ABTB2: variants seen among roughly 807,000 people sequenced by gnomAD.
ABTB2 encodes the protein ankyrin repeat and BTB domain containing 2.
A neutral mutation model predicts 104.1 loss-of-function variants in ABTB2; 56 were observed. That is an observed-to-expected ratio of 0.54 (90% CI 0.43 to 0.67). The LOEUF (loss-of-function observed/expected upper bound fraction) is 0.67, where lower values mean the gene tolerates loss of function less well. Ranked by LOEUF, ABTB2 falls within the 30% of genes least tolerant of loss-of-function variation. The pLI is 0.00. For synonymous variants in ABTB2, 606 were observed against 608.2 expected, an observed-to-expected ratio of 1.00 and a Z score of 0.05; for missense variants, 1,279 against 1,407.7, an observed-to-expected ratio of 0.91 and a Z score of 1.46.
At chr11:34,230,982 G>T (rs1161374663) in intron 1 of ABTB2, among the ~76,000 whole-genome samples, 1 of 152,026 alleles carries the variant, frequency 6.6e-6, no homozygotes, top group Non-Finnish European at 1.5e-5. Context: ...AAGTGCTGGG[G>T]TTACAGGCAT....
Position 34,285,286 on chromosome 11 carries a change from T to C in ABTB2, c.883+71415A>G, listed in dbSNP as rs558716511. Among the ~76,000 whole-genome samples the C allele has an allele frequency of 1.4e-4, 21 of 152,272 alleles. 1 individual carries two copies. The South Asian group carries it at 4.4e-3, about 32-fold the overall frequency. The stretch of plus-strand genomic sequence containing the variant: ...GACTCTGGCAGGGCTACGCAGCTCA[T>C]TATGCAAGCCCCAGAGTTAGGCGGG... On this transcript the variant is annotated intron_variant, in intron 1 of 16. Coordinates refer to ENST00000435224, the MANE Select transcript of ABTB2 (RefSeq NM_145804.3).
At chr11:34,300,874 G>A (rs1034019743) in intron 1 of ABTB2, among the ~76,000 whole-genome samples, 3 of 152,278 alleles carry the variant, frequency 2.0e-5, no homozygotes, top group African/African-American at 7.2e-5. Flanking sequence ...AAATGAAAGT[G>A]AATCATAAAC....
At chr11:34,157,046 C>CA (rs1852638457) in intron 14 of ABTB2, among the ~76,000 whole-genome samples, 1 of 152,164 alleles carries the variant, frequency 6.6e-6, no homozygotes, top group African/African-American at 2.4e-5. Context: ...CACACACCCC[C>CA]ACCCCACCCC....
At chr11:34,340,678 T>A (rs1855252495) in intron 1 of ABTB2, among the ~76,000 whole-genome samples, 1 of 152,208 alleles carries the variant, frequency 6.6e-6, no homozygotes. Context: ...CCACAGGTCA[T>A]GTGAAGCACT....
chr11:34,167,871 G>A (rs190965884), intron 6 of ABTB2, 32 bp downstream of exon 6: 1 of 1,610,042 alleles, frequency 6.2e-7, no homozygotes, highest in Admixed American at 1.7e-5. Flanking sequence ...GCTGGCCTAG[G>A]GCCTGGGTGC....
rs549468644 is a variant in ABTB2, at chr11:34,200,172, A to T, written c.1031-2634T>A. On this transcript the variant is annotated intron_variant, in intron 2 of 16. Transcript: ENST00000435224. Reference sequence around the variant, plus strand: ...ATGTCATAACTTTTGGCAGAACCACAGGACCACAAGGAGGAGAAATCAAAG... The same window carrying T: ...ATGTCATAACTTTTGGCAGAACCACTGGACCACAAGGAGGAGAAATCAAAG... Among the ~76,000 whole-genome samples, 7 of 152,366 alleles carry T rather than the reference A, an allele frequency of 4.6e-5. No homozygotes were observed. In the South Asian group the frequency reaches 6.2e-4, roughly 14 times the overall value.
intron 1 of ABTB2, among the ~76,000 whole-genome samples, chr11:34,221,958 T>C (rs1356679555): frequency 1.3e-5 from 2 of 152,254 alleles, no homozygotes; most frequent in Middle Eastern, 3.4e-3. Flanking sequence ...GGCAGGAGAA[T>C]AGCTTGAACC....
rs375193668 is a variant in ABTB2, at chr11:34,355,886, G to A, written c.883+815C>T. Among the ~76,000 whole-genome samples, 31 of 152,226 alleles carry A rather than the reference G, an allele frequency of 2.0e-4. No homozygotes were observed. The South Asian group carries it at 6.4e-3, about 32-fold the overall frequency. ...TTCAGGGAAGTGCAACCACCCAATG[G>A]TTCCTTTCCCAGACTTGACCCCATG... On this transcript the variant is annotated intron_variant, in intron 1 of 16. Transcript: ENST00000435224.
At position 34,332,932 on chromosome 11, in the gene ABTB2, C is replaced by A. The variant is rs879769737; in HGVS notation, c.883+23769G>T. The stretch of plus-strand genomic sequence containing the variant: ...ACAGGAACATGAATTATGGTGAGCA[C>A]TGGGGAAATGCCTGCTTCGTCTGGG... On this transcript the variant is annotated intron_variant, in intron 1 of 16. Coordinates refer to ENST00000435224, the MANE Select transcript of ABTB2 (RefSeq NM_145804.3). 3.9e-5 allele frequency among the ~76,000 whole-genome samples: 6 copies of A among 152,054 alleles called. 1 individual carries two copies. In the South Asian group the frequency reaches 6.2e-4, roughly 16 times the overall value.
chr11:34,270,204 C>G (rs1377972232), intron 1 of ABTB2, among the ~76,000 whole-genome samples: 1 of 152,200 alleles, frequency 6.6e-6, no homozygotes, highest in Non-Finnish European at 1.5e-5. Flanking sequence ...AGAATCCTAG[C>G]TCCCCGACCA....
chr11:34,301,620 G>C (rs1854707332), intron 1 of ABTB2, among the ~76,000 whole-genome samples: 1 of 152,174 alleles, frequency 6.6e-6, no homozygotes. Flanking sequence ...ACCCAGAGAT[G>C]GATCCACCTT....
intron 1 of ABTB2, among the ~76,000 whole-genome samples, chr11:34,352,579 G>T (rs1855411663): frequency 6.6e-6 from 1 of 152,178 alleles, no homozygotes; most frequent in South Asian, 2.1e-4. Flanking sequence ...CTCAATAATT[G>T]TTGAATGAAT....
At chr11:34,317,737 A>G (rs187172220) in intron 1 of ABTB2, among the ~76,000 whole-genome samples, 2 of 148,048 alleles carry the variant, frequency 1.4e-5, no homozygotes, top group East Asian at 4.0e-4. Context: ...ATTCCAGCCC[A>G]GGCAACAGAG....
intron 1 of ABTB2, among the ~76,000 whole-genome samples, chr11:34,255,524 G>A (rs11032582): frequency 2.0e-5 from 3 of 151,018 alleles, no homozygotes; most frequent in Admixed American, 6.6e-5. Context: ...ACACAGTCTC[G>A]CTCTGTTGCG....
chr11:34,205,218 C>T (rs545206233), intron 1 of ABTB2, among the ~76,000 whole-genome samples: 12 of 152,298 alleles, frequency 7.9e-5, no homozygotes, highest in African/African-American at 1.2e-4. Flanking sequence ...AGGGCAGTGC[C>T]GCCCTGAGTC....
chr11:34,285,641 G>A (rs1439775858), intron 1 of ABTB2, among the ~76,000 whole-genome samples: 7 of 152,248 alleles, frequency 4.6e-5, no homozygotes, highest in South Asian at 2.1e-4. Context: ...CCCTGGAGCC[G>A]TCACACGTGC....
chr11:34,218,398 T>C (rs1421562534), intron 1 of ABTB2, among the ~76,000 whole-genome samples: 2 of 152,196 alleles, frequency 1.3e-5, no homozygotes, highest in Non-Finnish European at 2.9e-5. Flanking sequence ...TAGATTTTTT[T>C]CCCCATGTTA....
At chr11:34,244,898 C>A (rs1853967155) in intron 1 of ABTB2, among the ~76,000 whole-genome samples, 1 of 150,080 alleles carries the variant, frequency 6.7e-6, no homozygotes, top group South Asian at 2.1e-4. Flanking sequence ...GTTCCAGCTA[C>A]TCTGGAGGCT....
chr11:34,256,503 C>T (rs955536158), intron 1 of ABTB2, among the ~76,000 whole-genome samples: 1 of 152,204 alleles, frequency 6.6e-6, no homozygotes, highest in Non-Finnish European at 1.5e-5. Context: ...AAAGCAAACA[C>T]CATATGGTGG....
Sources: allele counts gnomAD v4.1 joint callset (sites outside exome capture counted in the v4.1 genomes callset), GRCh38; gene constraint gnomAD v4.1.1; transcripts MANE v1.5; gene names NCBI Gene and HGNC (gene_info 2026-07-23, HGNC 2026-07-21).